The following NPSR1 variants were observed in gnomAD, a reference collection of about 807,000 sequenced individuals.
NPSR1 encodes neuropeptide S receptor.
NPSR1 carries 48 observed loss-of-function variants against 46.9 expected under a neutral mutation model. That is an observed-to-expected ratio of 1.02 (90% confidence interval 0.81 to 1.30). NPSR1 has a LOEUF of 1.30. Ranked by LOEUF, NPSR1 falls within the 50% of genes most tolerant of loss-of-function variation. The pLI is 0.00. For synonymous variants in NPSR1, 176 were observed against 168.1 expected (o/e 1.05, Z -0.36); for missense variants, 450 against 449.5 (o/e 1.00, Z -0.01).
chr7:34,853,298 C>A (rs1790976809), downstream of NPSR1, among the ~76,000 whole-genome samples: 1 of 152,210 alleles, frequency 6.6e-6, no homozygotes, highest in Non-Finnish European at 1.5e-5. Flanking sequence ...CTAGAATTAT[C>A]TTAGGTGAGC....
At chr7:34,853,986 A>G (rs1459177572), downstream of NPSR1, among the ~76,000 whole-genome samples, 1 of 151,898 alleles carries the variant, frequency 6.6e-6, no homozygotes, top group Non-Finnish European at 1.5e-5. Context: ...AAAACAAAAA[A>G]CAAAAAAAAC....
At chr7:34,798,778 T>C (rs34509693) in intron 3 of NPSR1, among the ~76,000 whole-genome samples, 1,550 of 152,226 alleles carry the variant, frequency 0.01, 28 homozygotes, top group African/African-American at 0.035. Flanking sequence ...AAGTATACTC[T>C]CAGAACACAC....
At chr7:34,842,298 T>C (rs903158090) in intron 6 of NPSR1, among the ~76,000 whole-genome samples, 3 of 152,226 alleles carry the variant, frequency 2.0e-5, no homozygotes, top group Non-Finnish European at 4.4e-5. Context: ...AGTCTGATCT[T>C]AAAGCCTGTG....
At chr7:34,841,557 C>T (rs1360879966) in intron 6 of NPSR1, among the ~76,000 whole-genome samples, 1 of 152,188 alleles carries the variant, frequency 6.6e-6, no homozygotes, top group Admixed American at 6.5e-5. Flanking sequence ...AGCACCAAGG[C>T]CTGAGTAGAA....
chr7:34,757,624 G>A (rs1785933507), intron 2 of NPSR1, among the ~76,000 whole-genome samples: 1 of 152,146 alleles, frequency 6.6e-6, no homozygotes, highest in Non-Finnish European at 1.5e-5. Context: ...CTGAAGCCCA[G>A]CCTGTTCTTA....
chr7:34,827,455 C>A lies in NPSR1; in HGVS notation c.533C>A (p.Ser178Tyr). 4 of 1,614,118 alleles carry A rather than the reference C, an allele frequency of 2.5e-6. No homozygotes were observed. The highest frequency in any genetic ancestry group is 3.4e-6 in the Non-Finnish European group (4 of 1,180,006). ...GCCTGGAGCCTGTCTTTTCTGTTCT[C>A]CATTCCCACCCTGATCATATTTGGG... ...VIAWSLSFLFSIPTLIIFGKR... is the reference protein window; with the variant it reads ...VIAWSLSFLFYIPTLIIFGKR... Residue 178 changes from serine (S) to tyrosine (Y), a missense_variant, in exon 5 of 9, where the codon TCC becomes TAC. Physicochemically the swap from Ser to Tyr is moderately radical, Grantham distance 144. Transcript: ENST00000360581.
At chr7:34,662,756 C>T (rs1791519136) in intron 1 of NPSR1, among the ~76,000 whole-genome samples, 1 of 152,122 alleles carries the variant, frequency 6.6e-6, no homozygotes, top group South Asian at 2.1e-4. Flanking sequence ...ATCCCTGACC[C>T]TGGGTAAACT....
At chr7:34,694,983 CAGGTG>C (rs1793445474) in intron 2 of NPSR1, among the ~76,000 whole-genome samples, 10 of 152,280 alleles carry the variant, frequency 6.6e-5, no homozygotes, top group Middle Eastern at 3.4e-3. Flanking sequence ...GCTGGGATTA[CAGGTG>C]TGAACCACCG....
chr7:34,793,852 C>G (rs531004973), intron 3 of NPSR1, among the ~76,000 whole-genome samples: 1 of 152,174 alleles, frequency 6.6e-6, no homozygotes, highest in South Asian at 2.1e-4. Context: ...ATTTAAAAAT[C>G]TTGGTATATA....
intron 1 of NPSR1, among the ~76,000 whole-genome samples, chr7:34,675,602 G>A (rs1368666537): frequency 2.0e-5 from 3 of 152,226 alleles, no homozygotes; most frequent in Admixed American, 1.3e-4. Context: ...GGGTGGAGTT[G>A]TGACCCAGGC....
intron 2 of NPSR1, among the ~76,000 whole-genome samples, chr7:34,705,627 TAC>T (rs1794068057): frequency 6.6e-6 from 1 of 151,300 alleles, no homozygotes; most frequent in Non-Finnish European, 1.5e-5. Flanking sequence ...CTCTCTCTCA[TAC>T]ACACACATAA....
intron 1 of NPSR1, among the ~76,000 whole-genome samples, chr7:34,660,728 T>C (rs1182615499): frequency 6.6e-6 from 1 of 152,198 alleles, no homozygotes; most frequent in African/African-American, 2.4e-5. Context: ...CTCATTTAAT[T>C]CTCACAATCC....
At chr7:34,812,156 T>A (rs753949346) in intron 4 of NPSR1, among the ~76,000 whole-genome samples, 2 of 152,184 alleles carry the variant, frequency 1.3e-5, no homozygotes, top group East Asian at 1.9e-4. Context: ...TTCAGCTTGA[T>A]GCTGATGCTT....
intron 3 of NPSR1, among the ~76,000 whole-genome samples, chr7:34,781,489 G>A (rs1045119005): frequency 6.6e-6 from 1 of 152,178 alleles, no homozygotes; most frequent in African/African-American, 2.4e-5. Context: ...GATTTGGCTA[G>A]GAACAAAGAA....
chr7:34,810,416 CA>C (rs1018181606), intron 3 of NPSR1, among the ~76,000 whole-genome samples: 1 of 151,666 alleles, frequency 6.6e-6, no homozygotes, highest in Non-Finnish European at 1.5e-5. Flanking sequence ...GCTAATTATG[CA>C]AAAAAAGATT....
At chr7:34,810,360 C>G (rs1788920800) in intron 3 of NPSR1, among the ~76,000 whole-genome samples, 1 of 152,192 alleles carries the variant, frequency 6.6e-6, no homozygotes, top group Non-Finnish European at 1.5e-5. Context: ...TAAATATGCT[C>G]TTCACATAAG....
intron 2 of NPSR1, among the ~76,000 whole-genome samples, chr7:34,758,495 G>C (rs766164125): frequency 6.6e-6 from 1 of 152,162 alleles, no homozygotes; most frequent in Non-Finnish European, 1.5e-5. Flanking sequence ...CTTCAGTACC[G>C]TGCAGAGGTC....
intron 2 of NPSR1, among the ~76,000 whole-genome samples, chr7:34,771,382 A>G (rs1244024775): frequency 2.0e-5 from 3 of 152,130 alleles, no homozygotes; most frequent in African/African-American, 7.2e-5. Context: ...TGAGGCTGCA[A>G]TAAGCCATGA....
exon 9 of NPSR1, chr7:34,878,116 C>G: frequency 6.2e-7 from 1 of 1,611,090 alleles, no homozygotes; most frequent in Non-Finnish European, 8.5e-7. Context: ...TGCGCTAATG[C>G]TCTGCCCTCA....
Sources: allele counts gnomAD v4.1 joint callset (sites outside exome capture counted in the v4.1 genomes callset), GRCh38; gene constraint gnomAD v4.1.1; transcripts MANE v1.5; gene names NCBI Gene and HGNC (gene_info 2026-07-23, HGNC 2026-07-21).